The following MACROD2 variants were observed in gnomAD, a reference collection of about 807,000 sequenced individuals.
The protein encoded by MACROD2 is ADP-ribose glycohydrolase MACROD2.
Under a neutral mutation model 70.4 loss-of-function variants are expected in MACROD2, and 36 were observed. The ratio of observed to expected loss-of-function variants is 0.51; its 90% confidence interval spans 0.39 to 0.68. The LOEUF (loss-of-function observed/expected upper bound fraction) is 0.68, where lower values mean the gene tolerates loss of function less well. Among genes scored for constraint, MACROD2 ranks in the 30% least tolerant of loss-of-function variants. The pLI is 0.00. For missense variants in MACROD2, 496 were observed against 538.4 expected (o/e 0.92, Z 0.78); for synonymous variants, 172 against 178.8 (o/e 0.96, Z 0.30).
At chr20:15,469,783 A>G (rs2046941322) in intron 7 of MACROD2, among the ~76,000 whole-genome samples, 2 of 152,176 alleles carry the variant, frequency 1.3e-5, no homozygotes, top group African/African-American at 2.4e-5. Context: ...CCTCATCCCA[A>G]TATTACTCCT....
At chr20:14,590,005 C>T (rs1981655000) in intron 4 of MACROD2, among the ~76,000 whole-genome samples, 2 of 152,108 alleles carry the variant, frequency 1.3e-5, no homozygotes, top group African/African-American at 4.8e-5. Flanking sequence ...TGTATTATAG[C>T]TTCTTGGGGT....
At chr20:14,825,332 A>C (rs1269574600) in intron 5 of MACROD2, among the ~76,000 whole-genome samples, 1 of 152,084 alleles carries the variant, frequency 6.6e-6, no homozygotes, top group African/African-American at 2.4e-5. Flanking sequence ...GCCCCATTGC[A>C]AGCTTTCTCC....
At position 15,718,218 on chromosome 20, in the gene MACROD2, G is replaced by C. The variant is rs1437601508; in HGVS notation, c.646-144527G>C. 8.6e-5 allele frequency among the ~76,000 whole-genome samples: 13 copies of C among 151,836 alleles called. No individual in the cohort carries two copies. In the South Asian group the frequency reaches 2.5e-3, roughly 29 times the overall value. Reference sequence around the variant, plus strand: ...TGGCCAGGCTGGTCTTGAACTCTTGGACTCAGGTGATCCACCAGCCTCAGC... The same window carrying C: ...TGGCCAGGCTGGTCTTGAACTCTTGCACTCAGGTGATCCACCAGCCTCAGC... On this transcript the variant is annotated intron_variant, in intron 8 of 17. Coordinates refer to ENST00000684519, the MANE Select transcript of MACROD2 (RefSeq NM_001351661.2).
intron 3 of MACROD2, among the ~76,000 whole-genome samples, chr20:14,110,200 A>G (rs1273794077): frequency 6.6e-6 from 1 of 151,752 alleles, no homozygotes; most frequent in African/African-American, 2.4e-5. Context: ...TAAAAGATCT[A>G]AAAAAACTCG....
intron 5 of MACROD2, among the ~76,000 whole-genome samples, chr20:14,996,065 G>A (rs2074946538): frequency 6.6e-6 from 1 of 152,220 alleles, no homozygotes. Flanking sequence ...TTGTGTGTGT[G>A]TGTGTCTGTG....
At chr20:15,689,214 G>T (rs761668583) in intron 8 of MACROD2, among the ~76,000 whole-genome samples, 9 of 152,048 alleles carry the variant, frequency 5.9e-5, no homozygotes, top group Non-Finnish European at 1.0e-4. Flanking sequence ...TGAGGCAAGA[G>T]AATTGCTTGA....
At chr20:15,690,496 G>T (rs1238640888) in intron 8 of MACROD2, among the ~76,000 whole-genome samples, 2 of 152,104 alleles carry the variant, frequency 1.3e-5, no homozygotes, top group East Asian at 3.9e-4. Context: ...TAGGGTGAGG[G>T]CAGCACCATA....
intron 9 of MACROD2, among the ~76,000 whole-genome samples, chr20:15,871,795 CCTGA>C (rs1183840931): frequency 6.6e-6 from 1 of 151,996 alleles, no homozygotes; most frequent in Non-Finnish European, 1.5e-5. Context: ...TTTGTGAAGC[CCTGA>C]CTGAGAAATT....
chr20:15,289,008 C>T (rs2077517986), intron 6 of MACROD2, among the ~76,000 whole-genome samples: 1 of 152,102 alleles, frequency 6.6e-6, no homozygotes, highest in Admixed American at 6.6e-5. Context: ...TCTGGTTGGT[C>T]CAACTGTTCA....
At chr20:14,981,452 ATG>A (rs5840645) in intron 5 of MACROD2, among the ~76,000 whole-genome samples, 92,039 of 139,740 alleles carry the variant, frequency 0.66, 30,142 homozygotes, top group East Asian at 0.89. Flanking sequence ...ATATATATAT[ATG>A]TGTGTGTGTG....
intron 4 of MACROD2, among the ~76,000 whole-genome samples, chr20:14,525,224 C>T (rs2085217668): frequency 6.6e-6 from 1 of 152,144 alleles, no homozygotes; most frequent in East Asian, 1.9e-4. Context: ...ATACAAAAAT[C>T]TGAGCTTAGT....
At chr20:14,130,841 G>A (rs2054707849) in intron 3 of MACROD2, among the ~76,000 whole-genome samples, 1 of 151,682 alleles carries the variant, frequency 6.6e-6, no homozygotes, top group Admixed American at 6.6e-5. Flanking sequence ...TCTTCCTAAT[G>A]ATGAATTCCA....
Position 14,586,235 on chromosome 20 carries a change from CTGTGTGTATGTGTG to C in MACROD2, c.301+92747_301+92760del, listed in dbSNP as rs536145241. Among the ~76,000 whole-genome samples, 130 of 151,718 alleles carry C rather than the reference CTGTGTGTATGTGTG, an allele frequency of 8.6e-4. 2 individuals carry two copies. In the Middle Eastern group the frequency reaches 0.041, roughly 48 times the overall value. On this transcript the variant is annotated intron_variant, in intron 4 of 17. Transcript: ENST00000684519. ...AGGGCGATGAGATACTACTAAGTGGCTGTGTGTATGTGTGTGTGTGTATGTGTGTGTGTACAATA... is the reference window on the plus strand; with the variant it reads ...AGGGCGATGAGATACTACTAAGTGGCTGTGTGTATGTGTGTGTGTACAATA...
chr20:15,498,768 C>T (rs1600498070), intron 7 of MACROD2, among the ~76,000 whole-genome samples: 1 of 152,070 alleles, frequency 6.6e-6, no homozygotes, highest in African/African-American at 2.4e-5. Flanking sequence ...AAACATGGTA[C>T]AAACCACTGA....
At chr20:15,661,102 C>G (rs950240340) in intron 8 of MACROD2, among the ~76,000 whole-genome samples, 2 of 152,052 alleles carry the variant, frequency 1.3e-5, no homozygotes, top group Non-Finnish European at 2.9e-5. Flanking sequence ...TGATTCTTAA[C>G]TAGGAGTGAT....
At chr20:14,651,182 G>A (rs1032792121) in intron 4 of MACROD2, among the ~76,000 whole-genome samples, 15 of 152,154 alleles carry the variant, frequency 9.9e-5, no homozygotes, top group Non-Finnish European at 1.2e-4. Context: ...CCAAGACAGG[G>A]ACAGCGTATG....
intron 8 of MACROD2, among the ~76,000 whole-genome samples, chr20:15,735,999 T>A (rs1487183053): frequency 6.6e-6 from 1 of 152,166 alleles, no homozygotes; most frequent in Admixed American, 6.5e-5. Flanking sequence ...AGATACGGCA[T>A]CATGGTAGAG....
Position 16,051,780 on chromosome 20 carries a change from G to A in MACROD2, c.*1904G>A, listed in dbSNP as rs1386208090. 1.3e-5 allele frequency: 2 copies of A among 152,140 alleles called. No individual in the cohort carries two copies. The highest frequency in any genetic ancestry group is 2.9e-5 in the Non-Finnish European group (2 of 68,036). 9.4% of individuals were successfully genotyped at this position (152,140 alleles called of 1,614,324 possible). ...ATTTGACAAGTGCAATCTGCTAGAA[G>A]CTCGTTTTTCTTGTGACTCCCAAAT... On this transcript the variant is annotated 3_prime_UTR_variant, in exon 18 of 18. Transcript: ENST00000684519.
At chr20:14,374,176 A>G (rs2083351354) in intron 3 of MACROD2, among the ~76,000 whole-genome samples, 1 of 152,184 alleles carries the variant, frequency 6.6e-6, no homozygotes, top group African/African-American at 2.4e-5. Flanking sequence ...AGCTTAATGT[A>G]TTGATTTATT....
Sources: gnomAD v4.1 joint callset for allele counts (sites outside exome capture counted in the v4.1 genomes callset) on GRCh38, gnomAD v4.1.1 for gene constraint, MANE v1.5 for transcripts, NCBI Gene and HGNC (gene_info 2026-07-23, HGNC 2026-07-21) for gene names.